Variants in AGO2 observed in about 807,000 individuals in gnomAD.
The protein encoded by AGO2 is argonaute RISC catalytic component 2.
Under a neutral mutation model 102.3 loss-of-function variants are expected in AGO2, and 5 were observed. The observed-to-expected ratio is 0.05, with a 90% confidence interval of 0.03 to 0.10. The LOEUF is 0.10. Among genes scored for constraint, AGO2 ranks in the 10% least tolerant of loss-of-function variants. AGO2 has a pLI of 1.00. For synonymous variants in AGO2, 449 were observed against 473.1 expected (o/e 0.95, Z 0.66); for missense variants, 541 against 1,183.7 (o/e 0.46, Z 7.97).
chr8:140,571,430 T>C (rs2073376432), intron 3 of AGO2, among the ~76,000 whole-genome samples: 1 of 152,188 alleles, frequency 6.6e-6, no homozygotes, highest in African/African-American at 2.4e-5. Flanking sequence ...GCCTGGAAAT[T>C]GAAGGCTACA....
At chr8:140,587,222 C>A (rs2073673305) in intron 1 of AGO2, among the ~76,000 whole-genome samples, 1 of 152,194 alleles carries the variant, frequency 6.6e-6, no homozygotes, top group African/African-American at 2.4e-5. Flanking sequence ...CTGGTACTAA[C>A]CCCTGTGAAT....
chr8:140,575,455 C>T (rs1279572527), intron 2 of AGO2, among the ~76,000 whole-genome samples: 1 of 152,220 alleles, frequency 6.6e-6, no homozygotes, highest in East Asian at 1.9e-4. Context: ...GGGTCCCCAA[C>T]CTTCGGAGGC....
At chr8:140,606,855 T>C (rs1413908703) in intron 1 of AGO2, among the ~76,000 whole-genome samples, 4 of 151,916 alleles carry the variant, frequency 2.6e-5, no homozygotes, top group African/African-American at 9.7e-5. Flanking sequence ...GAGAATTGCT[T>C]GAACCTGGGA....
At chr8:140,597,047 A>G (rs1488630647) in intron 1 of AGO2, among the ~76,000 whole-genome samples, 1 of 152,186 alleles carries the variant, frequency 6.6e-6, no homozygotes, top group Non-Finnish European at 1.5e-5. Flanking sequence ...ATAGAAGACT[A>G]AAGCCACAAA....
chr8:140,618,870 G>GT (rs943433996), intron 1 of AGO2, among the ~76,000 whole-genome samples: 70 of 148,854 alleles, frequency 4.7e-4, no homozygotes, highest in East Asian at 7.9e-4. Context: ...ATTACAGGTG[G>GT]TTTTTTTTTT....
intron 3 of AGO2, chr8:140,572,370 A>ATG (rs1383350515): frequency 6.5e-6 from 1 of 153,548 alleles, no homozygotes; most frequent in Non-Finnish European, 1.4e-5. Flanking sequence ...TCTTGTGGAG[A>ATG]TGGAGTCTCA....
At chr8:140,603,661 G>A (rs6991835) in intron 1 of AGO2, among the ~76,000 whole-genome samples, 7,180 of 152,314 alleles carry the variant, frequency 0.047, 338 homozygotes, top group African/African-American at 0.12. Context: ...CATGTGGCAT[G>A]CTGTCCTTGA....
intron 17 of AGO2, among the ~76,000 whole-genome samples, chr8:140,534,174 G>C (rs1441825064): frequency 1.3e-5 from 2 of 152,210 alleles, no homozygotes; most frequent in African/African-American, 2.4e-5. Flanking sequence ...GCTGTCACAG[G>C]GGCCCAGGGG....
At chr8:140,581,742 C>G (rs1391676950) in intron 2 of AGO2, among the ~76,000 whole-genome samples, 2 of 152,128 alleles carry the variant, frequency 1.3e-5, no homozygotes, top group African/African-American at 4.8e-5. Flanking sequence ...AGTTTTTGTT[C>G]AGAAATACAT....
intron 1 of AGO2, among the ~76,000 whole-genome samples, chr8:140,614,192 G>A (rs1390843625): frequency 6.6e-6 from 1 of 151,982 alleles, no homozygotes; most frequent in Non-Finnish European, 1.5e-5. Flanking sequence ...GGCGTGGCGT[G>A]TGCTTGTAGT....
chr8:140,630,572 C>T (rs1471965868), intron 1 of AGO2, among the ~76,000 whole-genome samples: 1 of 152,196 alleles, frequency 6.6e-6, no homozygotes. Context: ...CAGCAGATCC[C>T]CAGTGAGGAG....
chr8:140,551,758 C>A (rs2977481), intron 10 of AGO2, among the ~76,000 whole-genome samples: 1 of 142,088 alleles, frequency 7.0e-6, no homozygotes, highest in Non-Finnish European at 1.6e-5. Context: ...GTGGGTGGTC[C>A]GTTGATGATC....
In AGO2 at chr8:140,522,383, TA is replaced by T; in HGVS notation, c.*9660del. ...TATCTCTAAATTTATGATACTTTTA[TA>T]AAAACAAAAATCCATTTAAATCATA... On this transcript the variant is annotated 3_prime_UTR_variant, in exon 19 of 19. Coordinates refer to ENST00000220592, the MANE Select transcript of AGO2 (RefSeq NM_012154.5). 1 of 152,086 alleles carries T rather than the reference TA, an allele frequency of 6.6e-6. No individual in the cohort carries two copies. 9.4% of individuals were successfully genotyped at this position (152,086 alleles called of 1,614,324 possible).
chr8:140,593,550 TAAAAAA>T (rs201599088), intron 1 of AGO2, among the ~76,000 whole-genome samples: 1 of 135,444 alleles, frequency 7.4e-6, no homozygotes. Context: ...CTAGGAAAGT[TAAAAAA>T]AAAAAAAAAA....
chr8:140,639,730 G>A (rs1460867541), upstream of AGO2, among the ~76,000 whole-genome samples: 1 of 152,176 alleles, frequency 6.6e-6, no homozygotes, highest in African/African-American at 2.4e-5. Flanking sequence ...CTATAACTGT[G>A]CCACTGCATT....
chr8:140,521,156 T>C lies in AGO2; in HGVS notation c.*10888A>G, dbSNP rs1305917047. On this transcript the variant is annotated 3_prime_UTR_variant, in exon 19 of 19. Transcript: ENST00000220592. ...CCTGCCCCAAAGTCCTCTCGTTAGG[T>C]TAAAAACACAATGCGTCCTGGGGAG... 1 of 152,178 alleles carries C rather than the reference T, an allele frequency of 6.6e-6. No individual in the cohort carries two copies. Among genetic ancestry groups the C allele is most frequent in the Non-Finnish European group, 1.5e-5 (1 of 68,030 alleles). The allele number at this position is 152,178 out of a possible 1,614,324, so 9.4% of individuals were successfully genotyped here.
rs2073218038 is a variant in AGO2, at chr8:140,562,441, T to A, written c.518+12A>T. On this transcript the variant is annotated intron_variant, in intron 4 of 18. Transcript: ENST00000220592. Reference sequence around the variant, plus strand: ...GGAGTCCCCCGCCCTTGGTCCCGTGTGGCGCCCTCACCTCATGGATGGCAA... The same window carrying A: ...GGAGTCCCCCGCCCTTGGTCCCGTGAGGCGCCCTCACCTCATGGATGGCAA... 6.2e-7 allele frequency: 1 copy of A among 1,605,010 alleles called. No individual in the cohort carries two copies.
intron 1 of AGO2, among the ~76,000 whole-genome samples, chr8:140,630,214 C>T (rs908298471): frequency 1.3e-5 from 2 of 152,184 alleles, no homozygotes; most frequent in African/African-American, 4.8e-5. Flanking sequence ...CACACAAGCC[C>T]CAGATTTTAA....
At chr8:140,590,933 G>C (rs1181248408) in intron 1 of AGO2, among the ~76,000 whole-genome samples, 1 of 152,178 alleles carries the variant, frequency 6.6e-6, no homozygotes, top group Admixed American at 6.5e-5. Flanking sequence ...CCCTCCTCCT[G>C]TGGGCATGGG....
Sources: allele counts gnomAD v4.1 joint callset (sites outside exome capture counted in the v4.1 genomes callset), GRCh38; gene constraint gnomAD v4.1.1; transcripts MANE v1.5; gene names NCBI Gene and HGNC (gene_info 2026-07-23, HGNC 2026-07-21).